GLB1L3: variants seen among roughly 807,000 people sequenced by gnomAD.
The protein encoded by GLB1L3 is beta-galactosidase-1-like protein 3.
In GLB1L3, 89 loss-of-function variants were observed where a neutral mutation model predicts 89.5. The observed-to-expected ratio is 0.99, with a 90% CI of 0.84 to 1.19. The LOEUF is 1.19. Among genes scored for constraint, GLB1L3 ranks in the 50% most tolerant of loss-of-function variants. GLB1L3 has a pLI of 0.00. For synonymous variants in GLB1L3, 314 were observed against 312.3 expected, an observed-to-expected ratio of 1.01 and a Z score of -0.06; for missense variants, 812 against 813.3, an observed-to-expected ratio of 1.00 and a Z score of 0.02.
chr11:134,320,428 AATAATC>A (rs566512613), downstream of GLB1L3, among the ~76,000 whole-genome samples: 67 of 152,318 alleles, frequency 4.4e-4, no homozygotes, highest in Admixed American at 1.3e-3. Context: ...AAGCAGAACT[AATAATC>A]ATAATGATCT....
chr11:134,276,769 G>C lies in GLB1L3; in HGVS notation c.23+6G>C. The C allele has an allele frequency of 6.9e-7, 1 of 1,443,304 alleles. No individual in the cohort carries two copies. Among genetic ancestry groups the C allele is most frequent in the South Asian group, 1.4e-5 (1 of 73,198 alleles). 89.4% of individuals were successfully genotyped at this position (1,443,304 alleles called of 1,614,324 possible). On this transcript the variant is annotated splice_donor_region_variant and intron_variant, in intron 1 of 19. Transcript: ENST00000431683. ...AAGTCCCCGCCCCTCCTCAGGTGAC[G>C]GATCGCCGCTGCCGTCCCGGGCTGC...
At chr11:134,318,288 A>T (rs1021062724) in intron 18 of GLB1L3, among the ~76,000 whole-genome samples, 3 of 152,218 alleles carry the variant, frequency 2.0e-5, no homozygotes, top group African/African-American at 4.8e-5. Context: ...ATTTTTAAAA[A>T]TGTGCAGCTT....
rs1270212170 is a variant in GLB1L3, at chr11:134,313,993, C to T, written c.1632C>T (p.Ile544=). The stretch of plus-strand genomic sequence containing the variant: ...ACTCTTCCCTGGAGGGCTTTACCAT[C>T]TATTCCCTGGAGATGAAAATGAGCT... ...INNSSLEGFT[I]YSLEMKMSFF... is the part of the protein sequence containing the mutation. The change falls in exon 17 of 20, where the codon ATC becomes ATT. Residue 544 remains isoleucine (I), a synonymous_variant. Coordinates refer to ENST00000431683, the MANE Select transcript of GLB1L3 (RefSeq NM_001080407.3). 4.3e-6 allele frequency: 7 copies of T among 1,612,902 alleles called. No individual in the cohort carries two copies. The highest frequency in any genetic ancestry group is 1.7e-5 in the Admixed American group (1 of 59,966).
chr11:134,286,497 C>T (rs531792087), intron 6 of GLB1L3, among the ~76,000 whole-genome samples: 15 of 126,574 alleles, frequency 1.2e-4, no homozygotes, highest in East Asian at 4.3e-4. Context: ...GACTGGTGGC[C>T]GGGCGCGGTG....
rs973673246 is a variant in GLB1L3 at position 134,276,546 on chromosome 11, C to T, written c.-195C>T. 23 of 424,860 alleles carry T rather than the reference C, an allele frequency of 5.4e-5. No individual in the cohort carries two copies. The highest frequency in any genetic ancestry group is 4.3e-4 in the African/African-American group (21 of 48,570). The allele number at this position is 424,860 out of a possible 1,614,324, so 26.3% of individuals were successfully genotyped here. A position where few individuals can be genotyped will look rare whatever the true frequency, so the allele number is the denominator to read the frequency against. ...GCTCGGCTGTCCCCGCGGGAGGGAGCCCGACGCGCATCCTTGGGACCCGGA... is the reference window on the plus strand; with the variant it reads ...GCTCGGCTGTCCCCGCGGGAGGGAGTCCGACGCGCATCCTTGGGACCCGGA... On this transcript the variant is annotated 5_prime_UTR_variant, in exon 1 of 20. Transcript: ENST00000431683.
At chr11:134,282,287 C>A (rs778329588) in intron 5 of GLB1L3, among the ~76,000 whole-genome samples, 167 bp downstream of exon 5, 1 of 152,146 alleles carries the variant, frequency 6.6e-6, no homozygotes, top group Non-Finnish European at 1.5e-5. Flanking sequence ...GGGAAGCCTG[C>A]GGTACTGCGG....
intron 18 of GLB1L3, 73 bp downstream of exon 18, chr11:134,314,514 A>G: frequency 1.1e-6 from 1 of 944,922 alleles, no homozygotes; most frequent in Non-Finnish European, 1.7e-6. Flanking sequence ...AAGCAAAGCC[A>G]GCGTTCCTGG....
intron 14 of GLB1L3, 81 bp downstream of exon 14, chr11:134,312,570 T>C: frequency 1.3e-6 from 2 of 1,516,486 alleles, no homozygotes; most frequent in Middle Eastern, 2.3e-4. Flanking sequence ...GACTGAAGGA[T>C]GCACGTTGCT....
chr11:134,303,199 C>G (rs925880336), intron 9 of GLB1L3, among the ~76,000 whole-genome samples: 2 of 152,100 alleles, frequency 1.3e-5, no homozygotes, highest in African/African-American at 2.4e-5. Context: ...TTTCTATATC[C>G]TCATTTGGGT....
At chr11:134,295,739 GTATT>G (rs1387746828) in intron 9 of GLB1L3, among the ~76,000 whole-genome samples, 1 of 152,062 alleles carries the variant, frequency 6.6e-6, no homozygotes, top group East Asian at 1.9e-4. Context: ...TCTAATATAA[GTATT>G]TATGCTGTAA....
rs1005568193 is a variant in GLB1L3, at chr11:134,310,219, TA to T, written c.1100-342del. On this transcript the variant is annotated intron_variant, in intron 11 of 19. Transcript: ENST00000431683. ...TAACACTAATGATAGCTGATGAGCT[TA>T]AAAAAAAAACACAAAATGTTTTAAG... The T allele has an allele frequency of 2.9e-3, 971 of 334,812 alleles. 1 individual carries two copies. The highest frequency in any genetic ancestry group is 4.4e-3 in the East Asian group (80 of 17,980). 20.7% of individuals were successfully genotyped at this position (334,812 alleles called of 1,614,324 possible).
chr11:134,292,239 G>A, intron 8 of GLB1L3, 26 bp downstream of exon 8: 3 of 1,555,376 alleles, frequency 1.9e-6, no homozygotes, highest in Non-Finnish European at 2.7e-6. Context: ...TAGTTCACAG[G>A]AGAACAGGGC....
intron 6 of GLB1L3, among the ~76,000 whole-genome samples, chr11:134,286,039 G>A (rs1289478892): frequency 6.6e-6 from 1 of 151,348 alleles, no homozygotes; most frequent in Non-Finnish European, 1.5e-5. Flanking sequence ...TTCCTGAATA[G>A]CTGGGATTAC....
intron 1 of GLB1L3, 137 bp from the exon 2 acceptor site, chr11:134,277,189 G>A (rs958424438): frequency 5.4e-6 from 6 of 1,107,428 alleles, no homozygotes; most frequent in Non-Finnish European, 8.1e-6. Context: ...CCCTGGGCCC[G>A]CCTGGAAGAC....
At chr11:134,280,084 T>A (rs559550499) in intron 3 of GLB1L3, among the ~76,000 whole-genome samples, 1 of 152,174 alleles carries the variant, frequency 6.6e-6, no homozygotes, top group African/African-American at 2.4e-5. Context: ...TTTTGCTATA[T>A]AGTGCTTTGA....
At chr11:134,299,623 C>T (rs1258593005) in intron 9 of GLB1L3, among the ~76,000 whole-genome samples, 3 of 152,140 alleles carry the variant, frequency 2.0e-5, no homozygotes, top group African/African-American at 2.4e-5. Context: ...CTCTGAGTCT[C>T]GCCTTTGCAT....
At chr11:134,291,961 G>A (rs1941385627) in intron 7 of GLB1L3, among the ~76,000 whole-genome samples, 171 bp from the exon 8 acceptor site, 2 of 152,168 alleles carry the variant, frequency 1.3e-5, no homozygotes, top group African/African-American at 4.8e-5. Context: ...GGGAAACACA[G>A]CAAGACCCTG....
In GLB1L3 at chr11:134,282,052, C is replaced by T. The variant is rs370580830; in HGVS notation, c.459C>T (p.Ile153=). 5.7e-5 allele frequency: 90 copies of T among 1,569,134 alleles called. No individual in the cohort carries two copies. Among genetic ancestry groups the T allele is most frequent in the East Asian group, 1.8e-4 (8 of 43,796 alleles). The change falls in exon 5 of 20, where the codon ATC becomes ATT. Residue 153 remains isoleucine (I), a synonymous_variant. Transcript: ENST00000431683. ...LEAFVLMAAE[I]GLWVILRPGR... ...CCTTCGTCCTGATGGCCGCAGAGAT[C>T]GGGCTGTGGGTGATTCTGCGTCCAG...
chr11:134,277,128 G>A (rs1400125031), intron 1 of GLB1L3, 198 bp from the exon 2 acceptor site: 2 of 692,662 alleles, frequency 2.9e-6, no homozygotes, highest in African/African-American at 1.8e-5. Context: ...TCTGTCCCCG[G>A]CCTTCATCCT....
Sources: allele counts gnomAD v4.1 joint callset (sites outside exome capture counted in the v4.1 genomes callset), GRCh38; gene constraint gnomAD v4.1.1; transcripts MANE v1.5; gene names NCBI Gene and HGNC (gene_info 2026-07-23, HGNC 2026-07-21).